Variants in CACNB4 observed in about 807,000 individuals in gnomAD.
CACNB4 encodes the protein voltage-dependent L-type calcium channel subunit beta-4.
A neutral mutation model predicts 71.2 loss-of-function variants in CACNB4; 32 were observed. The ratio of observed to expected loss-of-function variants is 0.45; its 90% confidence interval spans 0.34 to 0.60. CACNB4 has a LOEUF of 0.60. CACNB4 is among the 20% of genes least tolerant of loss of function. CACNB4 has a pLI of 0.01. For missense variants in CACNB4, 464 were observed against 647.9 expected (o/e 0.72, Z 3.08); for synonymous variants, 231 against 236.9 (o/e 0.97, Z 0.23).
intron 2 of CACNB4, among the ~76,000 whole-genome samples, chr2:151,942,047 T>TGGGGGG (rs1417693081): frequency 7.3e-6 from 1 of 136,126 alleles, no homozygotes; most frequent in African/African-American, 3.8e-5. Context: ...TAAGAAATGC[T>TGGGGGG]ATCTAGAACT....
At chr2:152,013,474 G>T (rs141123884) in intron 2 of CACNB4, among the ~76,000 whole-genome samples, 111 of 152,280 alleles carry the variant, frequency 7.3e-4, no homozygotes, top group Middle Eastern at 6.8e-3. Context: ...GTTGCTCGGA[G>T]GGAGGGCAGG....
intron 2 of CACNB4, among the ~76,000 whole-genome samples, chr2:152,031,884 A>T (rs960977282): frequency 6.6e-6 from 1 of 152,214 alleles, no homozygotes; most frequent in African/African-American, 2.4e-5. Context: ...TGTTGGCATT[A>T]GGCTCTCTAA....
chr2:151,989,445 G>C (rs1043569282), intron 2 of CACNB4, among the ~76,000 whole-genome samples: 1 of 152,054 alleles, frequency 6.6e-6, no homozygotes, highest in Admixed American at 6.6e-5. Context: ...ATAGAACCTC[G>C]TCTTATGTGA....
intron 12 of CACNB4, among the ~76,000 whole-genome samples, chr2:151,849,464 G>A (rs2099838472): frequency 6.6e-6 from 1 of 152,094 alleles, no homozygotes; most frequent in Non-Finnish European, 1.5e-5. Context: ...AGGTTAAAGG[G>A]CAGTGGCACA....
intron 2 of CACNB4, among the ~76,000 whole-genome samples, chr2:152,089,277 G>A (rs1449418832): frequency 1.3e-5 from 2 of 152,198 alleles, no homozygotes; most frequent in Middle Eastern, 3.2e-3. Flanking sequence ...ATTGGGGTTC[G>A]TTGGGGATAA....
In CACNB4 at chr2:151,930,912, G is replaced by A. The variant is rs1262561567; in HGVS notation, c.148-47542C>T. On this transcript the variant is annotated intron_variant, in intron 2 of 13. Transcript: ENST00000539935. ...ATTTGCCCACTTAATACATCATGAAGATAGGAAGTGGTTGTTATCAACTAC... is the reference window on the plus strand; with the variant it reads ...ATTTGCCCACTTAATACATCATGAAAATAGGAAGTGGTTGTTATCAACTAC... 2.0e-5 allele frequency among the ~76,000 whole-genome samples: 3 copies of A among 152,038 alleles called. No homozygotes were observed. The East Asian group carries it at 5.8e-4, about 29-fold the overall frequency.
At chr2:152,056,298 T>C (rs945083918) in intron 2 of CACNB4, among the ~76,000 whole-genome samples, 3 of 151,674 alleles carry the variant, frequency 2.0e-5, no homozygotes, top group Non-Finnish European at 4.4e-5. Flanking sequence ...GAGGCAGAGC[T>C]TGCAGTGAGC....
chr2:152,095,381 G>A (rs1312661713), intron 2 of CACNB4, among the ~76,000 whole-genome samples: 1 of 151,956 alleles, frequency 6.6e-6, no homozygotes, highest in East Asian at 1.9e-4. Context: ...TATTGGGTGA[G>A]TTGCCAACTG....
At chr2:152,022,190 C>CA (rs1312760356) in intron 2 of CACNB4, among the ~76,000 whole-genome samples, 1 of 152,158 alleles carries the variant, frequency 6.6e-6, no homozygotes, top group East Asian at 1.9e-4. Flanking sequence ...CATCTTCAAC[C>CA]AAATATACAC....
chr2:152,004,950 G>A (rs1328771141), intron 2 of CACNB4, among the ~76,000 whole-genome samples: 1 of 151,960 alleles, frequency 6.6e-6, no homozygotes, highest in Non-Finnish European at 1.5e-5. Flanking sequence ...ACTCTTGGAT[G>A]CAAATCAAAA....
intron 2 of CACNB4, among the ~76,000 whole-genome samples, chr2:151,956,437 A>G (rs1284553834): frequency 6.6e-6 from 1 of 152,278 alleles, no homozygotes; most frequent in Admixed American, 6.5e-5. Context: ...AAAGAAGCCT[A>G]CAAAAGGCTG....
chr2:152,056,552 C>T (rs76982678), intron 2 of CACNB4, among the ~76,000 whole-genome samples: 4,626 of 152,216 alleles, frequency 0.03, 90 homozygotes, highest in African/African-American at 0.046. Flanking sequence ...GCTGCTCACA[C>T]GGGAAGACCT....
At chr2:151,875,770 C>G (rs1453320704) in intron 5 of CACNB4, among the ~76,000 whole-genome samples, 1 of 114,388 alleles carries the variant, frequency 8.7e-6, no homozygotes. Context: ...CCTCACCTCC[C>G]GGACGGGGCG....
intron 2 of CACNB4, among the ~76,000 whole-genome samples, chr2:151,908,051 G>C (rs1386813087): frequency 1.3e-5 from 2 of 152,068 alleles, no homozygotes; most frequent in Non-Finnish European, 2.9e-5. Flanking sequence ...CCACGGATTA[G>C]AAAAAAAGAG....
chr2:151,879,369 T>C (rs750064151), intron 4 of CACNB4: 1 of 152,184 alleles, frequency 6.6e-6, no homozygotes, highest in Admixed American at 6.5e-5. Flanking sequence ...AAAGTCACTA[T>C]GTAAAATCAA....
At chr2:151,912,193 T>G (rs1373663634) in intron 2 of CACNB4, among the ~76,000 whole-genome samples, 1 of 152,228 alleles carries the variant, frequency 6.6e-6, no homozygotes, top group African/African-American at 2.4e-5. Flanking sequence ...CTTAGTTATT[T>G]CTTGTCTTCT....
chr2:151,909,454 A>C (rs13382897), intron 2 of CACNB4, among the ~76,000 whole-genome samples: 5,089 of 129,986 alleles, frequency 0.039, 149 homozygotes, highest in Middle Eastern at 0.088. Context: ...AAAAAACAAA[A>C]AAAAAAAACA....
At chr2:151,957,295 T>TGTGTGC in intron 2 of CACNB4, among the ~76,000 whole-genome samples, 1 of 151,770 alleles carries the variant, frequency 6.6e-6, no homozygotes, top group East Asian at 1.9e-4. Flanking sequence ...TGTGTGTGTG[T>TGTGTGC]GTGTGTCCCT....
intron 2 of CACNB4, among the ~76,000 whole-genome samples, chr2:151,984,219 A>G (rs1366921356): frequency 1.3e-5 from 2 of 152,184 alleles, no homozygotes; most frequent in Admixed American, 6.6e-5. Flanking sequence ...ACATGCAACG[A>G]AAGAGATACT....
Sources: gnomAD v4.1 joint callset for allele counts (sites outside exome capture counted in the v4.1 genomes callset) on GRCh38, gnomAD v4.1.1 for gene constraint, MANE v1.5 for transcripts, NCBI Gene and HGNC (gene_info 2026-07-23, HGNC 2026-07-21) for gene names.